Variants in CDK6 observed in about 807,000 individuals in gnomAD.
CDK6 encodes cyclin dependent kinase 6, also known as cyclin-dependent kinase 6.
CDK6 carries 6 observed loss-of-function variants against 37.1 expected under a neutral mutation model. The observed-to-expected ratio is 0.16, with a 90% confidence interval of 0.09 to 0.32. The LOEUF is 0.32. CDK6 is among the 10% of genes least tolerant of loss of function. CDK6 has a pLI of 1.00. For missense variants in CDK6, 224 were observed against 418.9 expected, an observed-to-expected ratio of 0.53 and a Z score of 4.06; for synonymous variants, 160 against 161.3, an observed-to-expected ratio of 0.99 and a Z score of 0.06.
chr7:92,762,486 G>T lies in CDK6; in HGVS notation c.369+12210C>A, dbSNP rs180841494. ...AGTAATGGTGAATTTCTCAGTTCCAGACTTAAATATTAACATATGATATAT... is the reference window on the plus strand; with the variant it reads ...AGTAATGGTGAATTTCTCAGTTCCATACTTAAATATTAACATATGATATAT... On this transcript the variant is annotated intron_variant, in intron 3 of 7. Transcript: ENST00000424848. 5.7e-4 allele frequency among the ~76,000 whole-genome samples: 86 copies of T among 151,802 alleles called. No individual in the cohort carries two copies. In the East Asian group the frequency reaches 0.015, roughly 27 times the overall value.
chr7:92,780,530 G>A (rs1049330198), intron 2 of CDK6, among the ~76,000 whole-genome samples: 38 of 151,962 alleles, frequency 2.5e-4, no homozygotes, highest in Non-Finnish European at 4.7e-4. Context: ...GGAGCCCGAG[G>A]AGGGCGGCTC....
chr7:92,721,651 G>C (rs1798367269), intron 4 of CDK6, among the ~76,000 whole-genome samples: 1 of 152,284 alleles, frequency 6.6e-6, no homozygotes. Flanking sequence ...TTAGGCAAAA[G>C]ACATTTAACT....
At chr7:92,637,647 T>A (rs1051686376) in intron 5 of CDK6, among the ~76,000 whole-genome samples, 9 of 152,218 alleles carry the variant, frequency 5.9e-5, no homozygotes, top group South Asian at 2.1e-4. Flanking sequence ...GTTTCACATA[T>A]GTTGTCTCAT....
At chr7:92,776,542 C>T (rs1318261806) in intron 2 of CDK6, among the ~76,000 whole-genome samples, 1 of 152,230 alleles carries the variant, frequency 6.6e-6, no homozygotes, top group Non-Finnish European at 1.5e-5. Context: ...TAAAAGCATT[C>T]CTGTTTCTCC....
rs78323552 is a variant in CDK6, at chr7:92,748,563, A to T, written c.370-22770T>A. ...CTACATTTTAACTCATTTGACTTGC[A>T]TATTTTAATCCTTGTTTTATGGATA... On this transcript the variant is annotated intron_variant, in intron 3 of 7. Transcript: ENST00000424848. 3.3e-3 allele frequency among the ~76,000 whole-genome samples: 500 copies of T among 152,342 alleles called. 1 individual carries two copies. Among genetic ancestry groups the T allele is most frequent in the African/African-American group, 0.011 (471 of 41,592 alleles).
chr7:92,790,787 A>T (rs1584092951), intron 2 of CDK6, among the ~76,000 whole-genome samples: 1 of 152,160 alleles, frequency 6.6e-6, no homozygotes, highest in South Asian at 2.1e-4. Context: ...GTGGAGGAAA[A>T]CTTTGTAGAA....
chr7:92,789,103 A>T (rs1272448237), intron 2 of CDK6, among the ~76,000 whole-genome samples: 1 of 152,180 alleles, frequency 6.6e-6, no homozygotes, highest in Non-Finnish European at 1.5e-5. Flanking sequence ...TCTAGCCTGG[A>T]TGTAAGAGTG....
At chr7:92,712,306 T>C (rs942661772) in intron 4 of CDK6, among the ~76,000 whole-genome samples, 5 of 152,168 alleles carry the variant, frequency 3.3e-5, no homozygotes, top group African/African-American at 7.2e-5. Context: ...CTCTAAAAAA[T>C]TGTCTACTAA....
At chr7:92,693,451 T>C (rs1170741779) in intron 4 of CDK6, among the ~76,000 whole-genome samples, 2 of 152,204 alleles carry the variant, frequency 1.3e-5, no homozygotes, top group Non-Finnish European at 2.9e-5. Flanking sequence ...CAGGACCAAC[T>C]GGTAGGTTTA....
At chr7:92,786,822 A>T (rs1800153784) in intron 2 of CDK6, among the ~76,000 whole-genome samples, 1 of 151,938 alleles carries the variant, frequency 6.6e-6, no homozygotes, top group African/African-American at 2.4e-5. Flanking sequence ...TATTATTTTT[A>T]AAAATGCAAG....
At chr7:92,623,529 A>G (rs3731349) in intron 5 of CDK6, among the ~76,000 whole-genome samples, 477 of 152,110 alleles carry the variant, frequency 3.1e-3, no homozygotes, top group African/African-American at 9.6e-3. Context: ...CTCTCCTTTC[A>G]TTTGTCCTCA....
intron 4 of CDK6, among the ~76,000 whole-genome samples, chr7:92,682,317 T>C (rs1797356553): frequency 6.6e-6 from 1 of 152,188 alleles, no homozygotes; most frequent in African/African-American, 2.4e-5. Flanking sequence ...CTGTTCCCCC[T>C]TCAGATGAAG....
chr7:92,654,990 G>A (rs1277364126), intron 5 of CDK6, among the ~76,000 whole-genome samples: 3 of 150,776 alleles, frequency 2.0e-5, no homozygotes, highest in African/African-American at 2.4e-5. Flanking sequence ...CTACAGGCAC[G>A]TGCCACCATG....
intron 3 of CDK6, among the ~76,000 whole-genome samples, chr7:92,770,289 G>C (rs375197026): frequency 5.6e-5 from 8 of 143,998 alleles, no homozygotes; most frequent in African/African-American, 2.0e-4. Context: ...AAAACCCCAA[G>C]ATGAAGTATG....
intron 5 of CDK6, among the ~76,000 whole-genome samples, chr7:92,670,296 A>G (rs1468006122): frequency 3.9e-5 from 6 of 152,160 alleles, no homozygotes; most frequent in Non-Finnish European, 8.8e-5. Flanking sequence ...ATGATCTCCT[A>G]TCCTATGAGC....
chr7:92,651,077 A>G (rs189478515), intron 5 of CDK6, among the ~76,000 whole-genome samples: 23 of 152,136 alleles, frequency 1.5e-4, no homozygotes, highest in African/African-American at 4.3e-4. Context: ...TTTAGTAGAG[A>G]TGGGGTTTTA....
chr7:92,664,410 A>T (rs922665353), intron 5 of CDK6, among the ~76,000 whole-genome samples: 2 of 152,190 alleles, frequency 1.3e-5, no homozygotes, highest in Non-Finnish European at 2.9e-5. Flanking sequence ...AGGGTGCTCA[A>T]CTATGGGGAG....
At chr7:92,639,339 T>C (rs1335231384) in intron 5 of CDK6, among the ~76,000 whole-genome samples, 2 of 152,222 alleles carry the variant, frequency 1.3e-5, no homozygotes, top group Non-Finnish European at 2.9e-5. Flanking sequence ...GTAAACTCTT[T>C]TGACGTAACT....
intron 4 of CDK6, among the ~76,000 whole-genome samples, chr7:92,683,334 T>C (rs1006064111): frequency 2.0e-5 from 3 of 152,220 alleles, no homozygotes; most frequent in Non-Finnish European, 4.4e-5. Flanking sequence ...TTCTTTCTCA[T>C]TGGTTACTAT....
Sources: gnomAD v4.1 joint callset for allele counts (sites outside exome capture counted in the v4.1 genomes callset) on GRCh38, gnomAD v4.1.1 for gene constraint, MANE v1.5 for transcripts, NCBI Gene and HGNC (gene_info 2026-07-23, HGNC 2026-07-21) for gene names.